The following KAZN variants were observed in gnomAD, a reference collection of about 807,000 sequenced individuals.
The protein encoded by KAZN is kazrin.
A neutral mutation model predicts 87.4 loss-of-function variants in KAZN; 40 were observed. The ratio of observed to expected loss-of-function variants is 0.46; its 90% CI spans 0.36 to 0.60. KAZN has a LOEUF of 0.60. KAZN is among the 20% of genes least tolerant of loss of function. The pLI, the probability that KAZN is intolerant of heterozygous loss-of-function variation, is 0.00. For synonymous variants in KAZN, 466 were observed against 458.3 expected (o/e 1.02, Z -0.22); for missense variants, 898 against 1,073.9 (o/e 0.84, Z 2.29).
chr1:14,541,268 G>A (rs561956429), intron 2 of KAZN, among the ~76,000 whole-genome samples: 1 of 152,278 alleles, frequency 6.6e-6, no homozygotes, highest in African/African-American at 2.4e-5. Flanking sequence ...AGCTAGCAAT[G>A]GCAAAGGCAA....
At chr1:15,092,099 G>A (rs1261642482) in intron 8 of KAZN, among the ~76,000 whole-genome samples, 13 of 127,964 alleles carry the variant, frequency 1.0e-4, no homozygotes, top group African/African-American at 3.1e-4. Context: ...TTTTGGAGAC[G>A]GAGTTTCACT....
intron 1 of KAZN, among the ~76,000 whole-genome samples, chr1:14,074,770 G>A (rs1643386747): frequency 6.6e-6 from 1 of 152,216 alleles, no homozygotes; most frequent in Non-Finnish European, 1.5e-5. Context: ...GCAACGGACT[G>A]AGATGCAGGG....
At chr1:14,704,648 C>T (rs1163339345) in intron 1 of KAZN, among the ~76,000 whole-genome samples, 1 of 152,180 alleles carries the variant, frequency 6.6e-6, no homozygotes, top group Non-Finnish European at 1.5e-5. Flanking sequence ...GGGATGAAGT[C>T]TCCACGTCCT....
At chr1:14,573,643 T>C (rs1019081062) in intron 2 of KAZN, among the ~76,000 whole-genome samples, 1 of 152,062 alleles carries the variant, frequency 6.6e-6, no homozygotes, top group Non-Finnish European at 1.5e-5. Flanking sequence ...CAAGACTCTG[T>C]CTCAAAAAAT....
chr1:14,979,172 G>A (rs1484300999), intron 2 of KAZN, among the ~76,000 whole-genome samples: 1 of 151,998 alleles, frequency 6.6e-6, no homozygotes, highest in East Asian at 2.0e-4. Context: ...AGCACTTTGG[G>A]AGGCCAAGGC....
At chr1:14,483,321 G>C (rs1571762199) in intron 2 of KAZN, among the ~76,000 whole-genome samples, 1 of 152,186 alleles carries the variant, frequency 6.6e-6, no homozygotes, top group Non-Finnish European at 1.5e-5. Flanking sequence ...ACTCTCACTT[G>C]TGCGTCAGAG....
At chr1:14,279,335 T>C (rs1652659200) in intron 2 of KAZN, among the ~76,000 whole-genome samples, 1 of 152,268 alleles carries the variant, frequency 6.6e-6, no homozygotes, top group Admixed American at 6.5e-5. Flanking sequence ...CAGGAAAATA[T>C]GAAATCACAG....
intron 2 of KAZN, among the ~76,000 whole-genome samples, chr1:14,474,694 G>A (rs987857293): frequency 6.6e-6 from 1 of 152,172 alleles, no homozygotes; most frequent in Non-Finnish European, 1.5e-5. Flanking sequence ...CTTGGTAGCT[G>A]TGATGAAAAT....
At chr1:15,095,503 C>T (rs1640768898) in intron 10 of KAZN, among the ~76,000 whole-genome samples, 2 of 151,880 alleles carry the variant, frequency 1.3e-5, no homozygotes, top group Admixed American at 1.3e-4. Context: ...GCTCATACCA[C>T]TCCTGCTCTG....
At chr1:14,166,802 T>C (rs1429181240) in intron 1 of KAZN, among the ~76,000 whole-genome samples, 3 of 152,242 alleles carry the variant, frequency 2.0e-5, no homozygotes, top group Admixed American at 6.5e-5. Flanking sequence ...TATTTGATTA[T>C]TTCCGTGTTT....
intron 1 of KAZN, among the ~76,000 whole-genome samples, chr1:13,950,428 C>T (rs1570365542): frequency 6.6e-6 from 1 of 152,320 alleles, no homozygotes; most frequent in East Asian, 1.9e-4. Flanking sequence ...GTCTGTTTCT[C>T]CTTATTGTAT....
intron 1 of KAZN, among the ~76,000 whole-genome samples, chr1:14,063,957 C>T (rs541186729): frequency 6.7e-6 from 1 of 149,864 alleles, no homozygotes; most frequent in Non-Finnish European, 1.5e-5. Flanking sequence ...CTCTCTCTCG[C>T]CCAGGCTCGA....
chr1:14,048,392 C>T (rs1214231289), intron 1 of KAZN, among the ~76,000 whole-genome samples: 3 of 109,224 alleles, frequency 2.7e-5, no homozygotes, highest in African/African-American at 9.0e-5. Context: ...CTCTAAAATA[C>T]TTCTTTTTTT....
chr1:14,516,631 A>C (rs1299691885), intron 2 of KAZN, among the ~76,000 whole-genome samples: 1 of 152,148 alleles, frequency 6.6e-6, no homozygotes, highest in Non-Finnish European at 1.5e-5. Context: ...GAGTCATTTT[A>C]TTGTATCAAG....
At chr1:14,720,554 T>G (rs1023797389) in intron 1 of KAZN, among the ~76,000 whole-genome samples, 13 of 152,240 alleles carry the variant, frequency 8.5e-5, no homozygotes, top group Admixed American at 8.5e-4. Context: ...CAAACCATCT[T>G]CTGTCGCTGA....
At chr1:14,978,067 A>G (rs1229067779) in intron 2 of KAZN, among the ~76,000 whole-genome samples, 3 of 151,714 alleles carry the variant, frequency 2.0e-5, no homozygotes, top group African/African-American at 7.3e-5. Flanking sequence ...TATGGGGTCC[A>G]TATATTGAGG....
chr1:14,302,754 G>A (rs1654640228), intron 2 of KAZN, among the ~76,000 whole-genome samples: 1 of 152,192 alleles, frequency 6.6e-6, no homozygotes, highest in Non-Finnish European at 1.5e-5. Context: ...CTTTTATGGG[G>A]AAGGTCATAT....
intron 2 of KAZN, among the ~76,000 whole-genome samples, chr1:14,439,471 A>G (rs1666580361): frequency 6.6e-6 from 1 of 152,114 alleles, no homozygotes; most frequent in Non-Finnish European, 1.5e-5. Flanking sequence ...TTCTCTGCTC[A>G]AACTCTCCAT....
chr1:14,590,638 C>T (rs1202216937), intron 2 of KAZN, among the ~76,000 whole-genome samples: 4 of 152,184 alleles, frequency 2.6e-5, no homozygotes, highest in Non-Finnish European at 5.9e-5. Flanking sequence ...TGGCAGACCA[C>T]AGTGGATGCC....
Sources: allele counts gnomAD v4.1 joint callset (sites outside exome capture counted in the v4.1 genomes callset), GRCh38; gene constraint gnomAD v4.1.1; transcripts MANE v1.5; gene names NCBI Gene and HGNC (gene_info 2026-07-23, HGNC 2026-07-21).